The following SLC24A2 variants were observed in gnomAD, a reference collection of about 807,000 sequenced individuals.
SLC24A2 encodes the protein solute carrier family 24 member 2, also known as sodium/potassium/calcium exchanger 2.
In SLC24A2, 36 loss-of-function variants were observed where a neutral mutation model predicts 62.0. That is an observed-to-expected ratio of 0.58 (90% CI 0.44 to 0.77). The LOEUF (loss-of-function observed/expected upper bound fraction) is 0.77, where lower values mean the gene tolerates loss of function less well. Among genes scored for constraint, SLC24A2 ranks in the 30% least tolerant of loss-of-function variants. The pLI is 0.00. For missense variants in SLC24A2, 846 were observed against 817.9 expected (o/e 1.03, Z -0.42); for synonymous variants, 358 against 294.0 (o/e 1.22, Z -2.23).
Position 19,516,304 on chromosome 9 carries a change from A to G in SLC24A2, c.1835T>C (p.Ile612Thr). ...AGAGAGGATGACGAAGAGCAGCATG[A>G]TGAAGAGAAGGACGATGGCACAGAA... ...GLFCAIVLLF[I>T]MLLFVILSIA... The change falls in exon 11 of 11, where the codon ATC becomes ACC. Residue 612 changes from isoleucine to threonine, a missense_variant. By Grantham distance (89) the Ile-to-Thr change is moderately conservative (BLOSUM62 -1). Coordinates refer to ENST00000341998, the MANE Select transcript of SLC24A2 (RefSeq NM_020344.4). The G allele has an allele frequency of 1.2e-6, 2 of 1,614,214 alleles. No individual in the cohort carries two copies. The highest frequency in any genetic ancestry group is 1.7e-6 in the Non-Finnish European group (2 of 1,180,034).
intron 2 of SLC24A2, among the ~76,000 whole-genome samples, chr9:19,710,792 C>T (rs1049699190): frequency 2.0e-4 from 31 of 152,050 alleles, no homozygotes; most frequent in African/African-American, 6.5e-4. Flanking sequence ...TCGAGAAAGA[C>T]TAGAGACAAG....
At chr9:19,818,418 T>C in the SLC24A2 span, among the ~76,000 whole-genome samples, 3 of 152,148 alleles carry the variant, frequency 2.0e-5, no homozygotes, top group African/African-American at 7.2e-5. Flanking sequence ...AAACTCTCAC[T>C]GTTTGCTGAC....
chr9:19,637,570 A>G (rs1426103789), intron 2 of SLC24A2, among the ~76,000 whole-genome samples: 1 of 152,232 alleles, frequency 6.6e-6, no homozygotes, highest in East Asian at 1.9e-4. Flanking sequence ...CATTTTGGAA[A>G]TGGGTGCACT....
rs1266740118 is a variant in SLC24A2 at position 19,632,056 on chromosome 9, CAG to C, written c.931-9759_931-9758del. Among the ~76,000 whole-genome samples, 2 of 152,184 alleles carry C rather than the reference CAG, an allele frequency of 1.3e-5. No homozygotes were observed. The highest frequency in any genetic ancestry group is 1.3e-4 in the Admixed American group (2 of 15,282). ...TGATACACCTGGCCATCCTGGAAAA[CAG>C]AGTAGATGGTAAGGACTAGGAGTCC... is the stretch of plus-strand genomic sequence containing the variant. On this transcript the variant is annotated intron_variant, in intron 2 of 10. Transcript: ENST00000341998. The surrounding 1 kb of genome is among the most constrained non-coding windows in gnomAD (Gnocchi z 4.5).
intron 2 of SLC24A2, among the ~76,000 whole-genome samples, chr9:19,772,744 A>C (rs1051055860): frequency 6.6e-6 from 1 of 152,232 alleles, no homozygotes; most frequent in Non-Finnish European, 1.5e-5. Flanking sequence ...TCATACACAC[A>C]GGAAAGCAAA....
intron 7 of SLC24A2, among the ~76,000 whole-genome samples, chr9:19,570,909 T>C (rs1835818463): frequency 1.3e-5 from 2 of 152,166 alleles, no homozygotes; most frequent in East Asian, 1.9e-4. Context: ...GAAGACCTGA[T>C]TGCTCTTGAA....
intron 2 of SLC24A2, among the ~76,000 whole-genome samples, chr9:19,784,957 C>T (rs1823118678): frequency 6.6e-6 from 1 of 151,454 alleles, no homozygotes; most frequent in East Asian, 2.2e-4. Context: ...TCTTTCACCC[C>T]CTGCTCAAAT....
intron 8 of SLC24A2, among the ~76,000 whole-genome samples, chr9:19,541,815 C>G (rs1311931854): frequency 2.8e-4 from 42 of 149,476 alleles, no homozygotes; most frequent in African/African-American, 1.0e-3. Context: ...CTCGTTGCCG[C>G]CTTGCAGTTT....
chr9:19,753,728 C>T (rs1017564399), intron 2 of SLC24A2, among the ~76,000 whole-genome samples: 17 of 152,192 alleles, frequency 1.1e-4, no homozygotes, highest in African/African-American at 3.6e-4. Context: ...TTTAAAACTA[C>T]CATCCCACCA....
At chr9:19,972,396 G>A in the SLC24A2 span, among the ~76,000 whole-genome samples, 2 of 152,062 alleles carry the variant, frequency 1.3e-5, no homozygotes, top group Non-Finnish European at 2.9e-5. Context: ...TACTGAAGAG[G>A]TGGTACTTCC....
the SLC24A2 span, among the ~76,000 whole-genome samples, chr9:20,232,690 C>T: frequency 1.3e-5 from 2 of 152,142 alleles, no homozygotes; most frequent in Non-Finnish European, 2.9e-5. Flanking sequence ...AAACCAGCTC[C>T]TGGATTCGTT....
At chr9:20,233,275 T>C in the SLC24A2 span, among the ~76,000 whole-genome samples, 2 of 152,144 alleles carry the variant, frequency 1.3e-5, no homozygotes, top group African/African-American at 4.8e-5. Context: ...AATTCCTGGG[T>C]ATCCTTGTTA....
At chr9:19,666,253 A>G (rs1380245446) in intron 2 of SLC24A2, among the ~76,000 whole-genome samples, 1 of 152,072 alleles carries the variant, frequency 6.6e-6, no homozygotes, top group Non-Finnish European at 1.5e-5. Context: ...AAAAAATACA[A>G]AAATTAGCCA....
intron 5 of SLC24A2, among the ~76,000 whole-genome samples, chr9:19,582,261 G>C (rs1173355427): frequency 6.6e-6 from 1 of 152,158 alleles, no homozygotes; most frequent in African/African-American, 2.4e-5. Context: ...AACGTTTGGA[G>C]GGTCTGTTCA....
At chr9:19,618,952 T>C (rs1447510513) in intron 4 of SLC24A2, among the ~76,000 whole-genome samples, 2 of 152,218 alleles carry the variant, frequency 1.3e-5, no homozygotes, top group African/African-American at 2.4e-5. Context: ...TGAGTAACAC[T>C]GGAAGTACAC....
chr9:20,098,811 G>C, the SLC24A2 span, among the ~76,000 whole-genome samples: 1 of 152,176 alleles, frequency 6.6e-6, no homozygotes, highest in African/African-American at 2.4e-5. Context: ...AGCTCCTTTA[G>C]GGAAAAATCT....
chr9:19,797,577 C>G, the SLC24A2 span, among the ~76,000 whole-genome samples: 127,355 of 152,198 alleles, frequency 0.84, 54,510 homozygotes, highest in Non-Finnish European at 0.94. Context: ...GTCAGTATCT[C>G]TGCATAATTT....
chr9:20,242,154 C>A, the SLC24A2 span, among the ~76,000 whole-genome samples: 2 of 152,180 alleles, frequency 1.3e-5, no homozygotes, highest in South Asian at 2.1e-4. Flanking sequence ...TCCTGCCCCC[C>A]ACAGTCCCCA....
At chr9:19,956,456 T>C in the SLC24A2 span, among the ~76,000 whole-genome samples, 2 of 152,172 alleles carry the variant, frequency 1.3e-5, no homozygotes, top group African/African-American at 4.8e-5. Flanking sequence ...GATTAGGTCA[T>C]TGTATTAGTC....
Sources: allele counts gnomAD v4.1 joint callset (sites outside exome capture counted in the v4.1 genomes callset), GRCh38; gene constraint gnomAD v4.1.1; non-coding constraint Gnocchi (gnomAD v3.1); transcripts MANE v1.5; gene names NCBI Gene and HGNC (gene_info 2026-07-23, HGNC 2026-07-21).